Variants in GFRA1 observed in about 807,000 individuals in gnomAD.
GFRA1 encodes GDNF family receptor alpha 1.
GFRA1 carries 16 observed loss-of-function variants against 51.6 expected under a neutral mutation model. The observed-to-expected ratio is 0.31, with a 90% CI of 0.21 to 0.47. GFRA1 has a LOEUF of 0.47. GFRA1 is among the 20% of genes least tolerant of loss of function. The pLI is 1.00. For missense variants in GFRA1, 530 were observed against 594.3 expected (o/e 0.89, Z 1.13); for synonymous variants, 270 against 241.3 (o/e 1.12, Z -1.10).
intron 2 of GFRA1, among the ~76,000 whole-genome samples, chr10:116,271,562 G>A (rs1843940414): frequency 6.6e-6 from 1 of 152,150 alleles, no homozygotes; most frequent in Non-Finnish European, 1.5e-5. Flanking sequence ...GGGCAGGCCA[G>A]CCATGGTCAG....
At chr10:116,213,412 G>GC (rs1250348377) in intron 4 of GFRA1, among the ~76,000 whole-genome samples, 2 of 152,116 alleles carry the variant, frequency 1.3e-5, no homozygotes, top group African/African-American at 4.8e-5. Flanking sequence ...GCCCATCTGT[G>GC]CCCCCTGTAT....
At chr10:116,080,768 G>A (rs1955815022) in intron 9 of GFRA1, among the ~76,000 whole-genome samples, 6 of 152,140 alleles carry the variant, frequency 3.9e-5, no homozygotes, top group Admixed American at 3.9e-4. Flanking sequence ...TCACAGGGTT[G>A]GGACTTGAGC....
intron 5 of GFRA1, among the ~76,000 whole-genome samples, chr10:116,138,148 C>T (rs1232121238): frequency 6.6e-6 from 1 of 152,134 alleles, no homozygotes; most frequent in East Asian, 1.9e-4. Flanking sequence ...GAGGTGCTTC[C>T]TGTCCCATTG....
At chr10:116,143,340 A>T (rs2134101753) in intron 5 of GFRA1, among the ~76,000 whole-genome samples, 1 of 151,690 alleles carries the variant, frequency 6.6e-6, no homozygotes, top group East Asian at 1.9e-4. Context: ...TAATTAAAAA[A>T]AAAAAAGGAC....
intron 5 of GFRA1, among the ~76,000 whole-genome samples, chr10:116,128,755 G>T: frequency 6.7e-6 from 1 of 148,898 alleles, no homozygotes; most frequent in Non-Finnish European, 1.5e-5. Context: ...AAAAAAATTG[G>T]CCTAGGTTAT....
chr10:116,147,516 T>C (rs1014638140), intron 5 of GFRA1, among the ~76,000 whole-genome samples: 3 of 150,400 alleles, frequency 2.0e-5, no homozygotes, highest in African/African-American at 7.3e-5. Context: ...GGGCTACCTG[T>C]TTTATCAAGA....
chr10:116,189,709 T>A (rs916686988), intron 5 of GFRA1, among the ~76,000 whole-genome samples: 1 of 152,218 alleles, frequency 6.6e-6, no homozygotes, highest in African/African-American at 2.4e-5. Flanking sequence ...TCCACTATTT[T>A]ATTTAATGCT....
chr10:116,147,541 A>G (rs1274754350), intron 5 of GFRA1, among the ~76,000 whole-genome samples: 1 of 110,278 alleles, frequency 9.1e-6, no homozygotes, highest in African/African-American at 3.1e-5. Context: ...AGAAAGTGCT[A>G]GCGCCTAGTG....
chr10:116,262,704 A>T lies in GFRA1; in HGVS notation c.418+6799T>A, dbSNP rs146292763. Among the ~76,000 whole-genome samples, 162 of 152,316 alleles carry T rather than the reference A, an allele frequency of 1.1e-3. 1 individual carries two copies. Among genetic ancestry groups the T allele is most frequent in the Admixed American group, 9.3e-3 (143 of 15,300 alleles). On this transcript the variant is annotated intron_variant, in intron 4 of 10. Coordinates refer to ENST00000355422, the MANE Select transcript of GFRA1 (RefSeq NM_005264.8). ...CAACAAAAATGGATTGCTGAGGGGC[A>T]GGACAGGGAGAGAATAAAAACCAAA...
chr10:116,219,287 T>C (rs758944739), intron 4 of GFRA1, among the ~76,000 whole-genome samples: 27 of 152,228 alleles, frequency 1.8e-4, no homozygotes, highest in Admixed American at 7.2e-4. Context: ...CTGTATACTA[T>C]GAAAGTTATG....
chr10:116,196,849 T>C (rs370753037), intron 5 of GFRA1, among the ~76,000 whole-genome samples: 1 of 42,038 alleles, frequency 2.4e-5, no homozygotes, highest in Non-Finnish European at 7.1e-5. Flanking sequence ...ATATATATAT[T>C]TTTTTTCCCT....
chr10:116,230,620 T>A (rs1165115285), intron 4 of GFRA1, among the ~76,000 whole-genome samples: 3 of 151,850 alleles, frequency 2.0e-5, no homozygotes, highest in Admixed American at 2.0e-4. Flanking sequence ...TGGTTTCAAC[T>A]CTGAAAGTAT....
chr10:116,126,257 C>G (rs1211118149), intron 5 of GFRA1, among the ~76,000 whole-genome samples: 1 of 152,240 alleles, frequency 6.6e-6, no homozygotes, highest in Non-Finnish European at 1.5e-5. Context: ...AAAAATTCAG[C>G]TTGTATTTTG....
rs538213751 is a variant in GFRA1, at chr10:116,242,602, C to T, written c.418+26901G>A. ...GTTCAAGCAATTCTTCTGCCTCAGC[C>T]TCCCAAGTAGCTGAGACTACAGGCG... On this transcript the variant is annotated intron_variant, in intron 4 of 10. Transcript: ENST00000355422. 2.5e-4 allele frequency among the ~76,000 whole-genome samples: 38 copies of T among 152,144 alleles called. No individual in the cohort carries two copies. In the Middle Eastern group the frequency reaches 0.02, roughly 82 times the overall value.
chr10:116,146,238 C>T (rs1958795759), intron 5 of GFRA1, among the ~76,000 whole-genome samples: 1 of 152,074 alleles, frequency 6.6e-6, no homozygotes, highest in Non-Finnish European at 1.5e-5. Flanking sequence ...GGGATAGAAG[C>T]ATTTACAATT....
At chr10:116,187,996 T>C (rs58340957) in intron 5 of GFRA1, among the ~76,000 whole-genome samples, 3,634 of 152,162 alleles carry the variant, frequency 0.024, 154 homozygotes, top group African/African-American at 0.084. Context: ...ATCTAGACAG[T>C]AGACATCCCA....
chr10:116,273,671 GTCTCTC>G (rs60112716), upstream of GFRA1, among the ~76,000 whole-genome samples: 191 of 147,506 alleles, frequency 1.3e-3, no homozygotes, highest in Non-Finnish European at 2.1e-3. Flanking sequence ...CTCTCTCTCT[GTCTCTC>G]TCTCTCTCTC....
At chr10:116,115,127 T>C (rs1021436963) in intron 6 of GFRA1, among the ~76,000 whole-genome samples, 1 of 152,208 alleles carries the variant, frequency 6.6e-6, no homozygotes, top group Non-Finnish European at 1.5e-5. Context: ...GGATGCAAAA[T>C]TTCCTGCATA....
Position 116,089,918 on chromosome 10 carries a change from A to G in GFRA1, c.1020T>C (p.Asn340=), listed in dbSNP as rs771769451. The change falls in exon 9 of 11, where the codon AAT becomes AAC. Residue 340 remains asparagine, a synonymous_variant. Coordinates refer to ENST00000355422, the MANE Select transcript of GFRA1 (RefSeq NM_005264.8). The stretch of plus-strand genomic sequence containing the variant: ...AGCCATTGCCAAAGGCTTGAATTGC[A>G]TTTTCTGCAGTAAAACAGGAGGAAA... ...NFFKDNTCLK[N]AIQAFGNGSD... 1.2e-6 allele frequency: 2 copies of G among 1,612,252 alleles called. No individual in the cohort carries two copies. Among genetic ancestry groups the G allele is most frequent in the Non-Finnish European group, 1.7e-6 (2 of 1,179,188 alleles).
Sources: allele counts gnomAD v4.1 joint callset (sites outside exome capture counted in the v4.1 genomes callset), GRCh38; gene constraint gnomAD v4.1.1; transcripts MANE v1.5; gene names NCBI Gene and HGNC (gene_info 2026-07-23, HGNC 2026-07-21).